The following PLG variants were observed in gnomAD, a reference collection of about 807,000 sequenced individuals.
PLG encodes the protein plasminogen.
PLG carries 41 observed loss-of-function variants against 104.4 expected under a neutral mutation model. That is an observed-to-expected ratio of 0.39 (90% CI 0.31 to 0.51). The LOEUF is 0.51. Among genes scored for constraint, PLG ranks in the 20% least tolerant of loss-of-function variants. The pLI, the probability that PLG is intolerant of heterozygous loss-of-function variation, is 0.76. For missense variants in PLG, 891 were observed against 1,003.6 expected, an observed-to-expected ratio of 0.89 and a Z score of 1.52; for synonymous variants, 337 against 357.1, an observed-to-expected ratio of 0.94 and a Z score of 0.63.
At position 160,731,882 on chromosome 6, in the gene PLG, C is replaced by A; in HGVS notation, c.1576C>A (p.Leu526Met). ...FTPETNPRAG[L>M]EKNYCRNPDG... ...TCCAGAGACAAATCCACGGGCGGGT[C>A]TGGAAAAAAATGTAAGCCACTTTGA... Residue 526 changes from leucine (L) to methionine (M), a missense_variant, in exon 12 of 19, where the codon CTG becomes ATG. Transcript: ENST00000308192. This position sits in a 1 kb window ranked among gnomAD's most constrained non-coding sequence, Gnocchi z 5.1. The A allele has an allele frequency of 6.2e-7, 1 of 1,614,012 alleles. No individual in the cohort carries two copies. Among genetic ancestry groups the A allele is most frequent in the South Asian group, 1.1e-5 (1 of 91,062 alleles).
In PLG at chr6:160,737,138, A is replaced by G; in HGVS notation, c.1802+131A>G. 9.2e-7 allele frequency: 1 copy of G among 1,081,642 alleles called. No homozygotes were observed. The highest frequency in any genetic ancestry group is 1.3e-6 in the Non-Finnish European group (1 of 762,064). 67.0% of individuals were successfully genotyped at this position (1,081,642 alleles called of 1,614,324 possible). On this transcript the variant is annotated intron_variant, in intron 14 of 18. Coordinates refer to ENST00000308192, the MANE Select transcript of PLG (RefSeq NM_000301.5). This position sits in a 1 kb window ranked among gnomAD's most constrained non-coding sequence, Gnocchi z 4.7. ...TCTAAGTTTTCTGAAGGAGGAAAAA[A>G]GCTACAAAAATTAATATATGTATAT... is the stretch of plus-strand genomic sequence containing the variant.
Position 160,752,438 on chromosome 6 carries a change from G to C in PLG, c.2271+178G>C, listed in dbSNP as rs1778419170. Among the ~76,000 whole-genome samples, 1 of 152,160 alleles carries C rather than the reference G, an allele frequency of 6.6e-6. No homozygotes were observed. The highest frequency in any genetic ancestry group is 1.5e-5 in the Non-Finnish European group (1 of 68,032). On this transcript the variant is annotated intron_variant, in intron 18 of 18. Coordinates refer to ENST00000308192, the MANE Select transcript of PLG (RefSeq NM_000301.5). This position sits in a 1 kb window ranked among gnomAD's most constrained non-coding sequence, Gnocchi z 4.7. ...AATGCGTATTCAGATCATCTAAGGGGATGTCTTGGGGCTTGAGTTCCAAAT... is the reference window on the plus strand; with the variant it reads ...AATGCGTATTCAGATCATCTAAGGGCATGTCTTGGGGCTTGAGTTCCAAAT...
rs1006751007 is a variant in PLG at position 160,737,412 on chromosome 6, C to T, written c.1802+405C>T. 2.6e-5 allele frequency among the ~76,000 whole-genome samples: 4 copies of T among 152,176 alleles called. No individual in the cohort carries two copies. Among genetic ancestry groups the T allele is most frequent in the Non-Finnish European group, 4.4e-5 (3 of 68,032 alleles). On this transcript the variant is annotated intron_variant, in intron 14 of 18. Transcript: ENST00000308192. This position sits in a 1 kb window ranked among gnomAD's most constrained non-coding sequence, Gnocchi z 4.7. The stretch of plus-strand genomic sequence containing the variant: ...GTTGGGAGAGCAAGGACAAAATTAT[C>T]TCCAGTCTATCACAGGCACAGATTC...
intron 5 of PLG, chr6:160,713,472 T>C (rs112447800): frequency 8.2e-5 from 26 of 318,174 alleles, no homozygotes; most frequent in African/African-American, 5.4e-4. Flanking sequence ...TTTCTCCACG[T>C]AGGTCAGGCT....
chr6:160,723,249 C>T lies in PLG; in HGVS notation c.1256+682C>T, dbSNP rs1045253239. The stretch of plus-strand genomic sequence containing the variant: ...CAGTGGCCTGAAAGGATATGGGTTG[C>T]TGGGACATGAAGAACAAAAGCAGGA... On this transcript the variant is annotated intron_variant, in intron 10 of 18. Transcript: ENST00000308192. The surrounding 1 kb of genome is among the most constrained non-coding windows in gnomAD (Gnocchi z 4.7). Among the ~76,000 whole-genome samples, 1 of 151,296 alleles carries T rather than the reference C, an allele frequency of 6.6e-6. No individual in the cohort carries two copies. The highest frequency in any genetic ancestry group is 2.5e-5 in the African/African-American group (1 of 40,806).
chr6:160,718,252 A>G, intron 7 of PLG, 42 bp from the exon 8 acceptor site: 2 of 1,575,286 alleles, frequency 1.3e-6, no homozygotes, highest in South Asian at 1.1e-5. Flanking sequence ...CTCCGTCTCA[A>G]AAAATATATA....
intron 10 of PLG, among the ~76,000 whole-genome samples, chr6:160,727,859 T>C (rs1162693381): frequency 6.6e-6 from 1 of 151,864 alleles, no homozygotes; most frequent in African/African-American, 2.4e-5. Context: ...CTCTCTAAGA[T>C]TGGGAATAAG....
In PLG at chr6:160,741,226, G is replaced by T; in HGVS notation, c.2019-85G>T. The T allele has an allele frequency of 1.1e-6, 1 of 913,860 alleles. No homozygotes were observed. The highest frequency in any genetic ancestry group is 1.6e-5 in the African/African-American group (1 of 61,452). The allele number at this position is 913,860 out of a possible 1,614,324, so 56.6% of individuals were successfully genotyped here. A position where few individuals can be genotyped will look rare whatever the true frequency, so the allele number is the denominator to read the frequency against. On this transcript the variant is annotated intron_variant, in intron 16 of 18. Transcript: ENST00000308192. This position sits in a 1 kb window ranked among gnomAD's most constrained non-coding sequence, Gnocchi z 4.7. ...GGCAGTGCCAGTTCAGAGGGCTCTG[G>T]GGCCTCAAGACAGGGATGACTGGTT...
At chr6:160,733,933 G>A in intron 12 of PLG, 62 bp from the exon 13 acceptor site, 1 of 833,456 alleles carries the variant, frequency 1.2e-6, no homozygotes, top group Non-Finnish European at 2.1e-6. Context: ...CGTGAGCCTT[G>A]GAACACCTTC....
intron 7 of PLG, among the ~76,000 whole-genome samples, chr6:160,717,544 G>C (rs1248209598): frequency 6.6e-5 from 10 of 151,944 alleles, no homozygotes; most frequent in African/African-American, 2.2e-4. Context: ...TTCCTTGGAG[G>C]TGTTTTTTGC....
intron 17 of PLG, among the ~76,000 whole-genome samples, chr6:160,748,442 A>AAAAGAAAGAAAT (rs1778331973): frequency 3.2e-4 from 1 of 3,094 alleles, no homozygotes; most frequent in Non-Finnish European, 5.7e-4. Context: ...GAAAGAAAGA[A>AAAAGAAAGAAAT]GGGAGGGAGG....
Position 160,726,218 on chromosome 6 carries a change from G to A in PLG, c.1256+3651G>A, listed in dbSNP as rs1325077587. Reference sequence around the variant, plus strand: ...GGCCTACAGCAAGTCTTAATAGATTGAAAAGAATTAAAATGATACAGAGTC... The same window carrying A: ...GGCCTACAGCAAGTCTTAATAGATTAAAAAGAATTAAAATGATACAGAGTC... On this transcript the variant is annotated intron_variant, in intron 10 of 18. Transcript: ENST00000308192. The surrounding 1 kb of genome is among the most constrained non-coding windows in gnomAD (Gnocchi z 4.4). Among the ~76,000 whole-genome samples, 2 of 152,004 alleles carry A rather than the reference G, an allele frequency of 1.3e-5. No individual in the cohort carries two copies. The highest frequency in any genetic ancestry group is 2.4e-5 in the African/African-American group (1 of 41,396).
chr6:160,711,349 T>C (rs1777637698), intron 4 of PLG, 158 bp downstream of exon 4: 1 of 727,568 alleles, frequency 1.4e-6, no homozygotes, highest in Non-Finnish European at 2.3e-6. Context: ...CTACATACCT[T>C]CTCTTGTATA....
rs1487321874 is a variant in PLG at position 160,741,174 on chromosome 6, C to T, written c.2019-137C>T. 4 of 701,370 alleles carry T rather than the reference C, an allele frequency of 5.7e-6. No homozygotes were observed. In the African/African-American group the frequency reaches 7.0e-5, roughly 12 times the overall value. The allele number at this position is 701,370 out of a possible 1,614,324, so 43.4% of individuals were successfully genotyped here. On this transcript the variant is annotated intron_variant, in intron 16 of 18. Transcript: ENST00000308192. The surrounding 1 kb of genome is among the most constrained non-coding windows in gnomAD (Gnocchi z 4.7). ...AAATGTGAGGGTGAAACTCTGTGTT[C>T]TACGTTGCTCTGTGTCAGTGAAGCA...
intron 2 of PLG, among the ~76,000 whole-genome samples, chr6:160,706,894 G>T (rs1158801480): frequency 6.6e-6 from 1 of 151,382 alleles, no homozygotes; most frequent in East Asian, 1.9e-4. Context: ...ATAGCTACAA[G>T]ATCCAGTGCC....
chr6:160,745,812 T>G (rs1237786613), intron 17 of PLG, among the ~76,000 whole-genome samples: 1 of 152,236 alleles, frequency 6.6e-6, no homozygotes, highest in Admixed American at 6.5e-5. Flanking sequence ...CAAGATCTCT[T>G]GTAAGGCAGT....
In PLG at chr6:160,731,080, C is replaced by T. The variant is rs1344834500; in HGVS notation, c.1286C>T (p.Pro429Leu). 3 of 1,613,926 alleles carry T rather than the reference C, an allele frequency of 1.9e-6. No individual in the cohort carries two copies. The highest frequency in any genetic ancestry group is 1.3e-5 in the African/African-American group (1 of 74,900). Residue 429 changes from proline (P) to leucine (L), a missense_variant, in exon 11 of 19, where the codon CCA becomes CTA. Pro to Leu is a moderately conservative substitution (Grantham distance 98). This residue lies in a region of PLG where 854 missense variants were observed against 932.1 expected (regional missense o/e 0.92). Coordinates refer to ENST00000308192, the MANE Select transcript of PLG (RefSeq NM_000301.5). The surrounding 1 kb of genome is among the most constrained non-coding windows in gnomAD (Gnocchi z 5.1). Reference sequence around the variant, plus strand: ...CTGACAATGAACTACTGCAGGAATCCAGATGCCGATAAAGGCCCCTGGTGT... The same window carrying T: ...CTGACAATGAACTACTGCAGGAATCTAGATGCCGATAAAGGCCCCTGGTGT... ...AGLTMNYCRNPDADKGPWCFT... is the reference protein window; with the variant it reads ...AGLTMNYCRNLDADKGPWCFT...
chr6:160,704,352 A>G (rs1417280680), intron 1 of PLG, among the ~76,000 whole-genome samples: 2 of 152,258 alleles, frequency 1.3e-5, no homozygotes, highest in African/African-American at 4.8e-5. Flanking sequence ...GCATAGTAAC[A>G]TAACACAGAG....
chr6:160,752,892 C>T lies in PLG; in HGVS notation c.2272-8C>T. The T allele has an allele frequency of 6.2e-7, 1 of 1,613,712 alleles. No individual in the cohort carries two copies. Among genetic ancestry groups the T allele is most frequent in the African/African-American group, 1.3e-5 (1 of 75,028 alleles). On this transcript the variant is annotated splice_region_variant and splice_polypyrimidine_tract_variant and intron_variant, in intron 18 of 18. Coordinates refer to ENST00000308192, the MANE Select transcript of PLG (RefSeq NM_000301.5). The surrounding 1 kb of genome is among the most constrained non-coding windows in gnomAD (Gnocchi z 4.7). ...CCCTCACATGCATTTTTCTCTCCCT[C>T]TGTATAGGGTGACAGTGGAGGTCCT... is the stretch of plus-strand genomic sequence containing the variant.
Sources: allele counts gnomAD v4.1 joint callset (sites outside exome capture counted in the v4.1 genomes callset), GRCh38; gene constraint gnomAD v4.1.1; regional missense constraint gnomAD v4.1.1; non-coding constraint Gnocchi (gnomAD v3.1); transcripts MANE v1.5; gene names NCBI Gene and HGNC (gene_info 2026-07-23, HGNC 2026-07-21).